CD163L1: variants seen among roughly 807,000 people sequenced by gnomAD.
CD163L1 encodes the protein scavenger receptor cysteine-rich type 1 protein M160.
CD163L1 carries 124 observed loss-of-function variants against 165.4 expected under a neutral mutation model. That is an observed-to-expected ratio of 0.75 (90% confidence interval 0.65 to 0.87). CD163L1 has a LOEUF of 0.87. Among genes scored for constraint, CD163L1 ranks in the 40% least tolerant of loss-of-function variants. The pLI, the probability that CD163L1 is intolerant of heterozygous loss-of-function variation, is 0.00. For synonymous variants in CD163L1, 585 were observed against 662.2 expected, an observed-to-expected ratio of 0.88 and a Z score of 1.79; for missense variants, 1,525 against 1,799.9, an observed-to-expected ratio of 0.85 and a Z score of 2.76.
chr12:7,396,507 T>C, intron 7 of CD163L1, 92 bp from the exon 8 acceptor site: 1 of 1,215,526 alleles, frequency 8.2e-7, no homozygotes, highest in Non-Finnish European at 1.1e-6. Flanking sequence ...AGTTATTTGG[T>C]CAAACACCAG....
chr12:7,334,211 C>T, the CD163L1 span, among the ~76,000 whole-genome samples: 525 of 152,280 alleles, frequency 3.4e-3, 3 homozygotes, highest in African/African-American at 0.012. Flanking sequence ...AGACCAATAT[C>T]CTTGATGAAC....
the CD163L1 span, among the ~76,000 whole-genome samples, chr12:7,331,272 A>G: frequency 6.6e-6 from 1 of 152,364 alleles, no homozygotes; most frequent in South Asian, 2.1e-4. Context: ...TTGAGTAGGT[A>G]AACAAAGTGG....
In CD163L1 at chr12:7,375,767, T is replaced by A. The variant is rs1443518640; in HGVS notation, c.2619A>T (p.Leu873Phe). 2 of 1,614,132 alleles carry A rather than the reference T, an allele frequency of 1.2e-6. No homozygotes were observed. Among genetic ancestry groups the A allele is most frequent in the African/African-American group, 2.7e-5 (2 of 74,938 alleles). Residue 873 changes from leucine to phenylalanine, a missense_variant, in exon 10 of 20, where the codon TTA becomes TTT. Transcript: ENST00000313599. ...QCEGSETHLA[L>F]CPIVQHPEDT... ...CTTCCGGATGTTGAACAATGGGGCATAATGCAAGGTGAGTTTCACTCCCTT... is the reference window on the plus strand; with the variant it reads ...CTTCCGGATGTTGAACAATGGGGCAAAATGCAAGGTGAGTTTCACTCCCTT...
At chr12:7,326,108 G>A in the CD163L1 span, among the ~76,000 whole-genome samples, 10,849 of 152,270 alleles carry the variant, frequency 0.071, 549 homozygotes, top group Middle Eastern at 0.13. Context: ...TGTCTAACTG[G>A]TGGGTTTGAA....
In CD163L1 at chr12:7,369,080, T is replaced by TATTCACAGGA; in HGVS notation, c.4040-116_4040-115insTCCTGTGAAT. Reference sequence around the variant, plus strand: ...TTAAATATCCTTTTAACATCTCCTGTGAATACTGGATGTCATTTAAAATAT... The same window carrying TATTCACAGGA: ...TTAAATATCCTTTTAACATCTCCTGTATTCACAGGAGAATACTGGATGTCATTTAAAATAT... On this transcript the variant is annotated intron_variant, in intron 15 of 19. Transcript: ENST00000313599. This position sits in a 1 kb window ranked among gnomAD's most constrained non-coding sequence, Gnocchi z 4.9. The TATTCACAGGA allele has an allele frequency of 8.5e-7, 1 of 1,178,342 alleles. No individual in the cohort carries two copies. Among genetic ancestry groups the TATTCACAGGA allele is most frequent in the Non-Finnish European group, 1.2e-6 (1 of 818,020 alleles). 73.0% of individuals were successfully genotyped at this position (1,178,342 alleles called of 1,614,324 possible).
At chr12:7,439,143 C>T (rs1322830487) in intron 2 of CD163L1, 6 of 1,574,798 alleles carry the variant, frequency 3.8e-6, no homozygotes, top group Non-Finnish European at 5.1e-6. Flanking sequence ...TCTCTGCTGT[C>T]GGAATGTAGC....
intron 18 of CD163L1, among the ~76,000 whole-genome samples, chr12:7,359,252 A>G (rs1946842066): frequency 6.6e-6 from 1 of 151,978 alleles, no homozygotes; most frequent in African/African-American, 2.4e-5. Flanking sequence ...CACAAAGAAC[A>G]CCAAGCAGAA....
At position 7,396,224 on chromosome 12, in the gene CD163L1, C is replaced by T. The variant is rs759593557; in HGVS notation, c.1921G>A (p.Gly641Arg). 5.6e-5 allele frequency: 90 copies of T among 1,614,052 alleles called. No individual in the cohort carries two copies. The highest frequency in any genetic ancestry group is 7.4e-5 in the Non-Finnish European group (87 of 1,180,034). Residue 641 changes from glycine to arginine, a missense_variant, in exon 8 of 20, where the codon GGA becomes AGA. By Grantham distance (125) the Gly-to-Arg change is moderately radical (BLOSUM62 -2). Coordinates refer to ENST00000313599, the MANE Select transcript of CD163L1 (RefSeq NM_174941.6). ...IGMGLGNAST[G>R]YGKIWLDDVS... is the part of the protein sequence containing the mutation. ...TCATCGAGCCAAATTTTTCCATATC[C>T]TGTAGAAGCGTTTCCCAGACCCATG...
At position 7,369,572 on chromosome 12, in the gene CD163L1, C is replaced by T; in HGVS notation, c.3824G>A (p.Trp1275Ter). The part of the protein sequence containing the change: ...GSWGTVCDDS[W>*]DLAEAEVVCQ... ...CACCACTTCCGCCTCGGCCAGGTCC[C>T]AGGAGTCATCACACACTGTGCCCCA... The change falls in exon 15 of 20, where the codon TGG becomes TAG. Residue 1275 changes from tryptophan (W) to a stop codon, truncating the protein, a stop_gained. Coordinates refer to ENST00000313599, the MANE Select transcript of CD163L1 (RefSeq NM_174941.6). LOFTEE classifies it high-confidence loss of function. This position sits in a 1 kb window ranked among gnomAD's most constrained non-coding sequence, Gnocchi z 4.9. 6.2e-7 allele frequency: 1 copy of T among 1,614,186 alleles called. No homozygotes were observed. The highest frequency in any genetic ancestry group is 8.5e-7 in the Non-Finnish European group (1 of 1,180,034).
At chr12:7,437,238 T>TTTTAAATACTATTTAAATAGTA in intron 2 of CD163L1, among the ~76,000 whole-genome samples, 1 of 84,290 alleles carries the variant, frequency 1.2e-5, no homozygotes, top group South Asian at 3.8e-4. Flanking sequence ...AAGTATTTAC[T>TTTTAAATACTATTTAAATAGTA]TTTAAATAGT....
At chr12:7,436,195 T>C (rs1447577521) in intron 2 of CD163L1, among the ~76,000 whole-genome samples, 9 of 152,222 alleles carry the variant, frequency 5.9e-5, no homozygotes, top group Non-Finnish European at 1.2e-4. Flanking sequence ...GATGGATTTA[T>C]GTGTGCCATT....
At chr12:7,380,390 T>C (rs7959108) in intron 8 of CD163L1, among the ~76,000 whole-genome samples, 3,721 of 40,322 alleles carry the variant, frequency 0.092, 69 homozygotes, top group African/African-American at 0.13. Context: ...TGTGTGTATA[T>C]GCGTATACAC....
chr12:7,366,051 T>C (rs1947011633), intron 18 of CD163L1, among the ~76,000 whole-genome samples: 1 of 152,134 alleles, frequency 6.6e-6, no homozygotes, highest in Non-Finnish European at 1.5e-5. Flanking sequence ...GTGGTATATA[T>C]ACGCACACAT....
chr12:7,388,104 C>T (rs1947560542), intron 8 of CD163L1, among the ~76,000 whole-genome samples: 1 of 152,272 alleles, frequency 6.6e-6, no homozygotes, highest in East Asian at 1.9e-4. Flanking sequence ...CCCTCTCTCA[C>T]CATACATAAA....
At chr12:7,422,961 G>A (rs1056094694) in intron 4 of CD163L1, among the ~76,000 whole-genome samples, 2 of 151,922 alleles carry the variant, frequency 1.3e-5, no homozygotes, top group Admixed American at 6.6e-5. Context: ...GTTCAACTCA[G>A]CTCTGGACCA....
intron 18 of CD163L1, among the ~76,000 whole-genome samples, chr12:7,362,164 A>G (rs1946906275): frequency 6.8e-6 from 1 of 146,246 alleles, no homozygotes; most frequent in African/African-American, 2.5e-5. Flanking sequence ...TTTATATATT[A>G]TATATTACTT....
chr12:7,376,797 C>T (rs183788848), intron 9 of CD163L1, among the ~76,000 whole-genome samples: 6 of 152,268 alleles, frequency 3.9e-5, no homozygotes, highest in South Asian at 2.1e-4. Context: ...TCAACCCTAG[C>T]GCCTTGATTG....
chr12:7,421,041 A>ATATATACGTATATATACG (rs1948347966), intron 4 of CD163L1, among the ~76,000 whole-genome samples: 1 of 108,620 alleles, frequency 9.2e-6, no homozygotes, highest in African/African-American at 4.7e-5. Context: ...ATATACGTGT[A>ATATATACGTATATATACG]TATATATGTA....
rs185868007 is a variant in CD163L1, at chr12:7,364,832, A to G, written c.4279+2404T>C. On this transcript the variant is annotated intron_variant, in intron 18 of 19. Coordinates refer to ENST00000313599, the MANE Select transcript of CD163L1 (RefSeq NM_174941.6). ...TATTTCATGCTCATAGATGGAAAGA[A>G]TTAATATTGTTAAATACCCAAAGCA... Among the ~76,000 whole-genome samples, 92 of 152,232 alleles carry G rather than the reference A, an allele frequency of 6.0e-4. 1 individual carries two copies. Among genetic ancestry groups the G allele is most frequent in the Admixed American group, 2.7e-3 (41 of 15,280 alleles).
Sources: gnomAD v4.1 joint callset for allele counts (sites outside exome capture counted in the v4.1 genomes callset) on GRCh38, gnomAD v4.1.1 for gene constraint, Gnocchi (gnomAD v3.1) non-coding constraint, MANE v1.5 for transcripts, NCBI Gene and HGNC (gene_info 2026-07-23, HGNC 2026-07-21) for gene names.